PTPRG: variants seen among roughly 807,000 people sequenced by gnomAD.
The protein encoded by PTPRG is receptor-type tyrosine-protein phosphatase gamma.
In PTPRG, 102 loss-of-function variants were observed where a neutral mutation model predicts 165.3. The observed-to-expected ratio is 0.62, with a 90% CI of 0.53 to 0.73. PTPRG has a LOEUF of 0.73. Ranked by LOEUF, PTPRG falls within the 30% of genes least tolerant of loss-of-function variation. The pLI is 0.00. For synonymous variants in PTPRG, 675 were observed against 669.5 expected, an observed-to-expected ratio of 1.01 and a Z score of -0.13; for missense variants, 1,866 against 1,861.4, an observed-to-expected ratio of 1.00 and a Z score of -0.05.
At chr3:61,894,574 A>T (rs976563584) in intron 2 of PTPRG, among the ~76,000 whole-genome samples, 2 of 152,186 alleles carry the variant, frequency 1.3e-5, no homozygotes, top group Non-Finnish European at 2.9e-5. Flanking sequence ...GGTGAAGAAC[A>T]GTCATTAATT....
chr3:61,887,956 A>G (rs2038097873), intron 2 of PTPRG, among the ~76,000 whole-genome samples: 1 of 152,166 alleles, frequency 6.6e-6, no homozygotes, highest in African/African-American at 2.4e-5. Flanking sequence ...GAGAATACCA[A>G]AATGGATTAA....
chr3:62,042,150 C>T (rs945694644), intron 4 of PTPRG, among the ~76,000 whole-genome samples: 3 of 152,060 alleles, frequency 2.0e-5, no homozygotes, highest in Admixed American at 1.3e-4. Flanking sequence ...TTCTGGGGCT[C>T]TAGGATTTGG....
chr3:62,108,828 CT>C (rs1311579051), intron 5 of PTPRG, among the ~76,000 whole-genome samples: 4 of 152,140 alleles, frequency 2.6e-5, no homozygotes, highest in African/African-American at 9.7e-5. Flanking sequence ...TGTCTGTTGG[CT>C]GCTTAAATGT....
At chr3:61,969,018 C>T (rs2040331454) in intron 2 of PTPRG, among the ~76,000 whole-genome samples, 2 of 152,162 alleles carry the variant, frequency 1.3e-5, no homozygotes, top group African/African-American at 4.8e-5. Context: ...GTCTCAGATT[C>T]ACCAGAATTT....
intron 2 of PTPRG, among the ~76,000 whole-genome samples, chr3:61,966,198 C>G (rs567318669): frequency 9.2e-5 from 14 of 152,176 alleles, no homozygotes; most frequent in Non-Finnish European, 1.8e-4. Flanking sequence ...ATCTCGCATG[C>G]TTAACTATCT....
intron 5 of PTPRG, among the ~76,000 whole-genome samples, chr3:62,117,778 T>C (rs1702919619): frequency 6.6e-6 from 1 of 152,200 alleles, no homozygotes; most frequent in South Asian, 2.1e-4. Flanking sequence ...AAAAATTTCA[T>C]TTTCTTTTGT....
chr3:61,603,973 TCTGAGGTACTGGGCATTA>T (rs1700932582), intron 1 of PTPRG, among the ~76,000 whole-genome samples: 3 of 152,202 alleles, frequency 2.0e-5, no homozygotes, highest in Non-Finnish European at 2.9e-5. Context: ...CATGTCACAT[TCTGAGGTACTGGGCATTA>T]GAACTTTAGC....
At chr3:61,798,702 C>G (rs540868547) in intron 2 of PTPRG, among the ~76,000 whole-genome samples, 1 of 146,248 alleles carries the variant, frequency 6.8e-6, no homozygotes, top group Non-Finnish European at 1.5e-5. Flanking sequence ...TAGTGAAGGT[C>G]TTGTCTTTTC....
chr3:61,580,528 C>T lies in PTPRG; in HGVS notation c.85+18156C>T, dbSNP rs772923193. On this transcript the variant is annotated intron_variant, in intron 1 of 29. Transcript: ENST00000474889. Reference sequence around the variant, plus strand: ...ATTTTTGTATTTTTAGTAGAGACGGCGTTTCACCATGTGGGCCAGGATGGT... The same window carrying T: ...ATTTTTGTATTTTTAGTAGAGACGGTGTTTCACCATGTGGGCCAGGATGGT... 6.6e-5 allele frequency among the ~76,000 whole-genome samples: 10 copies of T among 151,828 alleles called. 1 individual carries two copies. In the South Asian group the frequency reaches 8.3e-4, roughly 13 times the overall value.
rs531210215 is a variant in PTPRG, at chr3:61,736,108, A to G, written c.86-12770A>G. Among the ~76,000 whole-genome samples, 39 of 151,844 alleles carry G rather than the reference A, an allele frequency of 2.6e-4. 1 individual carries two copies. Among genetic ancestry groups the G allele is most frequent in the African/African-American group, 9.2e-4 (38 of 41,412 alleles). The stretch of plus-strand genomic sequence containing the variant: ...ATTTTAGTAGAGATGGGGTTTCACC[A>G]TGTTACCCAGGCTGGTCTCAAACTC... On this transcript the variant is annotated intron_variant, in intron 1 of 29. Coordinates refer to ENST00000474889, the MANE Select transcript of PTPRG (RefSeq NM_002841.4).
In PTPRG at chr3:62,267,413, A is replaced by G; in HGVS notation, c.2660A>G (p.Asp887Gly). The change falls in exon 18 of 30, where the codon GAT becomes GGT. Residue 887 changes from aspartate to glycine, a missense_variant. Coordinates refer to ENST00000474889, the MANE Select transcript of PTPRG (RefSeq NM_002841.4). ...KNRYINILAY[D>G]HSRVKLRPLP... The stretch of plus-strand genomic sequence containing the variant: ...TTTTTTTTCTTATCTTCTATAGATG[A>G]TCACAGTAGGGTGAAGTTAAGACCT... 1 of 1,596,704 alleles carries G rather than the reference A, an allele frequency of 6.3e-7. No individual in the cohort carries two copies. Among genetic ancestry groups the G allele is most frequent in the Non-Finnish European group, 8.6e-7 (1 of 1,169,170 alleles).
Position 61,650,959 on chromosome 3 carries a change from A to G in PTPRG, c.85+88587A>G, listed in dbSNP as rs369670920. ...AACAATGATTCAGCAATTTGAACCT[A>G]TATTTTTTGCTGTGGAGTTGTCTAG... On this transcript the variant is annotated intron_variant, in intron 1 of 29. Coordinates refer to ENST00000474889, the MANE Select transcript of PTPRG (RefSeq NM_002841.4). Among the ~76,000 whole-genome samples, 237 of 152,234 alleles carry G rather than the reference A, an allele frequency of 1.6e-3. 4 individuals carry two copies. Among genetic ancestry groups the G allele is most frequent in the African/African-American group, 5.3e-3 (222 of 41,560 alleles).
At chr3:61,675,206 T>C (rs1033492534) in intron 1 of PTPRG, among the ~76,000 whole-genome samples, 1 of 152,212 alleles carries the variant, frequency 6.6e-6, no homozygotes, top group African/African-American at 2.4e-5. Context: ...ATCTCTAATT[T>C]TTTCCCCTTA....
intron 2 of PTPRG, among the ~76,000 whole-genome samples, chr3:61,922,864 T>C (rs147279274): frequency 0.011 from 1,627 of 152,292 alleles, 37 homozygotes; most frequent in South Asian, 0.092. Context: ...TGGTCTTGAG[T>C]TCCAGAACTC....
At chr3:61,718,646 T>C (rs1224589996) in intron 1 of PTPRG, among the ~76,000 whole-genome samples, 2 of 152,214 alleles carry the variant, frequency 1.3e-5, no homozygotes, top group African/African-American at 4.8e-5. Flanking sequence ...CTGTGTGCCA[T>C]CTTCTGTGCT....
At chr3:62,251,616 G>A (rs1009202580) in intron 15 of PTPRG, among the ~76,000 whole-genome samples, 4 of 151,990 alleles carry the variant, frequency 2.6e-5, no homozygotes, top group African/African-American at 9.7e-5. Context: ...AACCAGCCTG[G>A]GTGACACAGT....
intron 4 of PTPRG, among the ~76,000 whole-genome samples, chr3:62,053,042 C>G (rs1419472723): frequency 6.6e-6 from 1 of 152,108 alleles, no homozygotes; most frequent in Non-Finnish European, 1.5e-5. Flanking sequence ...AATCCATTCG[C>G]TTTTCCAGTT....
chr3:61,981,246 C>A (rs1396675611), intron 2 of PTPRG, among the ~76,000 whole-genome samples: 1 of 152,208 alleles, frequency 6.6e-6, no homozygotes, highest in African/African-American at 2.4e-5. Flanking sequence ...TCACTTTCCT[C>A]CACCTAGTCG....
At chr3:61,581,211 G>A (rs1319993152) in intron 1 of PTPRG, among the ~76,000 whole-genome samples, 3 of 152,298 alleles carry the variant, frequency 2.0e-5, no homozygotes, top group African/African-American at 4.8e-5. Flanking sequence ...TGGAGGAGGC[G>A]TTGTAAATCT....
Sources: allele counts gnomAD v4.1 joint callset (sites outside exome capture counted in the v4.1 genomes callset), GRCh38; gene constraint gnomAD v4.1.1; transcripts MANE v1.5; gene names NCBI Gene and HGNC (gene_info 2026-07-23, HGNC 2026-07-21).